NTM: variants seen among roughly 807,000 people sequenced by gnomAD.
The protein encoded by NTM is IgLON family member 2.
In NTM, 13 loss-of-function variants were observed where a neutral mutation model predicts 42.1. The observed-to-expected ratio is 0.31, with a 90% CI of 0.20 to 0.49. NTM has a LOEUF of 0.49. Ranked by LOEUF, NTM falls within the 20% of genes least tolerant of loss-of-function variation. The probability of loss-of-function intolerance (pLI) is 0.99; values close to 1 mark genes in which losing one functional copy is unlikely to be tolerated. For missense variants in NTM, 373 were observed against 452.8 expected (o/e 0.82, Z 1.60); for synonymous variants, 187 against 179.2 (o/e 1.04, Z -0.35).
At chr11:132,196,389 G>A (rs2080216386) in intron 3 of NTM, among the ~76,000 whole-genome samples, 1 of 152,034 alleles carries the variant, frequency 6.6e-6, no homozygotes, top group Non-Finnish European at 1.5e-5. Flanking sequence ...GCAGTGTGGA[G>A]ATTTTTCAAA....
intron 2 of NTM, among the ~76,000 whole-genome samples, chr11:131,996,524 C>G (rs2068059247): frequency 6.6e-6 from 1 of 152,186 alleles, no homozygotes; most frequent in South Asian, 2.1e-4. Flanking sequence ...AGATGCTACT[C>G]AAATCCCACC....
intron 1 of NTM, among the ~76,000 whole-genome samples, chr11:131,411,972 C>G (rs1328038782): frequency 6.6e-6 from 1 of 152,156 alleles, no homozygotes; most frequent in Non-Finnish European, 1.5e-5. Flanking sequence ...AGCTGGGCCC[C>G]TCTGTTCTCA....
At chr11:131,786,147 C>T (rs892227412) in intron 1 of NTM, among the ~76,000 whole-genome samples, 1 of 152,098 alleles carries the variant, frequency 6.6e-6, no homozygotes, top group African/African-American at 2.4e-5. Context: ...TGCTTAAGAC[C>T]TCAAAGTTCT....
intron 2 of NTM, among the ~76,000 whole-genome samples, chr11:132,080,651 A>G (rs948879846): frequency 2.0e-5 from 3 of 152,208 alleles, no homozygotes; most frequent in African/African-American, 7.2e-5. Flanking sequence ...TTAAGCTTCA[A>G]TGACCTGTTC....
chr11:132,099,880 C>G (rs903342625), intron 2 of NTM, among the ~76,000 whole-genome samples: 1 of 152,160 alleles, frequency 6.6e-6, no homozygotes, highest in African/African-American at 2.4e-5. Context: ...CGCCATGCCT[C>G]CTAGTCTTGG....
rs572496298 is a variant in NTM at position 132,107,070 on chromosome 11, T to A, written c.168-39212T>A. Among the ~76,000 whole-genome samples, 18 of 152,278 alleles carry A rather than the reference T, an allele frequency of 1.2e-4. No individual in the cohort carries two copies. In the South Asian group the frequency reaches 3.7e-3, roughly 32 times the overall value. ...CTCCCAGACATATGCCTTTTTTCAT[T>A]CAGTGTACATTTATTAGCCAGGCAC... is the stretch of plus-strand genomic sequence containing the variant. On this transcript the variant is annotated intron_variant, in intron 2 of 8. Coordinates refer to ENST00000683400, the MANE Select transcript of NTM (RefSeq NM_001352005.2).
intron 1 of NTM, among the ~76,000 whole-genome samples, chr11:131,673,233 C>G (rs760533347): frequency 3.3e-5 from 5 of 152,122 alleles, no homozygotes; most frequent in Admixed American, 6.5e-5. Flanking sequence ...CACTGGGGTA[C>G]AGCTGGTGAC....
intron 3 of NTM, among the ~76,000 whole-genome samples, chr11:132,197,005 G>A (rs1214190853): frequency 6.6e-6 from 1 of 152,194 alleles, no homozygotes; most frequent in Non-Finnish European, 1.5e-5. Context: ...AAGCTCAAAG[G>A]GAGGTTAAGG....
intron 1 of NTM, among the ~76,000 whole-genome samples, chr11:131,465,876 C>G (rs946402178): frequency 6.6e-6 from 1 of 151,286 alleles, no homozygotes; most frequent in Non-Finnish European, 1.5e-5. Flanking sequence ...CCGTGAGACC[C>G]CTCTCTGTCC....
intron 2 of NTM, among the ~76,000 whole-genome samples, chr11:132,021,583 G>A (rs1280583430): frequency 2.0e-5 from 3 of 152,036 alleles, no homozygotes; most frequent in African/African-American, 7.3e-5. Context: ...CTAATCTGTG[G>A]ACTCTGTCTT....
In NTM at chr11:131,739,379, C is replaced by T. The variant is rs1476938885; in HGVS notation, c.83-172185C>T. On this transcript the variant is annotated intron_variant, in intron 1 of 8. Coordinates refer to ENST00000683400, the MANE Select transcript of NTM (RefSeq NM_001352005.2). ...CTCACACTCTTGGAACTTTATTTTC[C>T]TCATCTGAAAAGTGAGGATAATAAT... Among the ~76,000 whole-genome samples, 4 of 152,048 alleles carry T rather than the reference C, an allele frequency of 2.6e-5. No individual in the cohort carries two copies. In the East Asian group the frequency reaches 7.7e-4, roughly 29 times the overall value.
intron 1 of NTM, among the ~76,000 whole-genome samples, chr11:131,736,210 C>T (rs543233387): frequency 6.6e-6 from 1 of 152,232 alleles, no homozygotes; most frequent in African/African-American, 2.4e-5. Flanking sequence ...GCCCTGGACT[C>T]CCCGAACCTT....
intron 2 of NTM, among the ~76,000 whole-genome samples, chr11:131,982,852 C>A (rs1323941870): frequency 6.6e-6 from 1 of 152,112 alleles, no homozygotes; most frequent in Non-Finnish European, 1.5e-5. Flanking sequence ...CAAGATTTAA[C>A]ACAAAGAAAG....
At chr11:131,895,874 A>C (rs2052185902) in intron 1 of NTM, among the ~76,000 whole-genome samples, 1 of 151,558 alleles carries the variant, frequency 6.6e-6, no homozygotes, top group African/African-American at 2.4e-5. Context: ...TGGCAGAGCA[A>C]AAGTCTGAGC....
intron 2 of NTM, among the ~76,000 whole-genome samples, chr11:131,931,844 G>A (rs964449335): frequency 6.6e-6 from 1 of 152,150 alleles, no homozygotes; most frequent in African/African-American, 2.4e-5. Context: ...GGGCCAGGGC[G>A]GCTGTGCCAT....
chr11:131,732,813 A>AT (rs769469455), intron 1 of NTM, among the ~76,000 whole-genome samples: 3 of 151,900 alleles, frequency 2.0e-5, no homozygotes, highest in Non-Finnish European at 4.4e-5. Context: ...TGAGACATAC[A>AT]TTTTCTGGAG....
At chr11:131,406,929 G>T (rs1239770892) in intron 1 of NTM, among the ~76,000 whole-genome samples, 1 of 152,222 alleles carries the variant, frequency 6.6e-6, no homozygotes. Flanking sequence ...CACAGGTAAA[G>T]GCACTTTCCT....
At chr11:131,543,080 C>G (rs2053496754) in intron 1 of NTM, among the ~76,000 whole-genome samples, 1 of 152,222 alleles carries the variant, frequency 6.6e-6, no homozygotes, top group Non-Finnish European at 1.5e-5. Flanking sequence ...CGTGACTTCT[C>G]TTAGCAGAGT....
In NTM at chr11:131,868,648, C is replaced by T. The variant is rs558044390; in HGVS notation, c.83-42916C>T. ...GAGTTTCTTGCGATGTCCGTGCACA[C>T]CCTGAGCTCTGTGTCACTCTACCTT... is the stretch of plus-strand genomic sequence containing the variant. On this transcript the variant is annotated intron_variant, in intron 1 of 8. Transcript: ENST00000683400. Among the ~76,000 whole-genome samples the T allele has an allele frequency of 3.9e-5, 6 of 152,334 alleles. No individual in the cohort carries two copies. The South Asian group carries it at 1.0e-3, about 26-fold the overall frequency.
Sources: allele counts gnomAD v4.1 joint callset (sites outside exome capture counted in the v4.1 genomes callset), GRCh38; gene constraint gnomAD v4.1.1; transcripts MANE v1.5; gene names NCBI Gene and HGNC (gene_info 2026-07-23, HGNC 2026-07-21).